Variants in GALNT17 observed in about 807,000 individuals in gnomAD.
GALNT17 encodes the protein polypeptide N-acetylgalactosaminyltransferase 17.
GALNT17 carries 29 observed loss-of-function variants against 63.7 expected under a neutral mutation model. The observed-to-expected ratio is 0.46, with a 90% CI of 0.34 to 0.62. The LOEUF (loss-of-function observed/expected upper bound fraction) is 0.62. GALNT17 is among the 20% of genes least tolerant of loss of function. The pLI is 0.01. For missense variants in GALNT17, 603 were observed against 799.6 expected, an observed-to-expected ratio of 0.75 and a Z score of 2.97; for synonymous variants, 305 against 318.3, an observed-to-expected ratio of 0.96 and a Z score of 0.45.
intron 6 of GALNT17, among the ~76,000 whole-genome samples, chr7:71,651,031 C>T (rs1354647147): frequency 1.3e-5 from 2 of 151,868 alleles, no homozygotes; most frequent in Non-Finnish European, 2.9e-5. Context: ...AGGCTGGGTG[C>T]TGGGAATACC....
At chr7:71,168,401 G>A (rs1277839288) in intron 1 of GALNT17, among the ~76,000 whole-genome samples, 5 of 152,050 alleles carry the variant, frequency 3.3e-5, no homozygotes, top group East Asian at 1.9e-4. Flanking sequence ...GTGAAGCCCC[G>A]TCTCTACTAA....
intron 5 of GALNT17, among the ~76,000 whole-genome samples, chr7:71,467,893 T>C (rs1056175911): frequency 1.1e-4 from 16 of 152,330 alleles, no homozygotes; most frequent in South Asian, 6.2e-4. Context: ...TATTGGCTAG[T>C]GTCTCCATAG....
At chr7:71,494,786 G>A (rs1483174691) in intron 5 of GALNT17, among the ~76,000 whole-genome samples, 2 of 152,290 alleles carry the variant, frequency 1.3e-5, no homozygotes, top group Non-Finnish European at 2.9e-5. Context: ...ACGTGGCTGG[G>A]GAGGCCTCAC....
Position 71,670,058 on chromosome 7 carries a change from C to T in GALNT17, c.1353C>T (p.Asp451=), listed in dbSNP as rs17143818. ...GTAAGAATTTCCAGTGGTACCTGGA[C>T]CATGTTTACCCAGAAATGAGAAGAT... ...LKCKNFQWYL[D]HVYPEMRRYN... The change falls in exon 8 of 11, where the codon GAC becomes GAT. Residue 451 remains aspartate, a synonymous_variant. Coordinates refer to ENST00000333538, the MANE Select transcript of GALNT17 (RefSeq NM_022479.3). 25,151 of 1,614,026 alleles carry T rather than the reference C, an allele frequency of 0.016. 318 individuals are homozygous for T. Among genetic ancestry groups the T allele is most frequent in the African/African-American group, 0.057 (4,291 of 75,002 alleles).
chr7:71,154,407 C>A (rs774382168), intron 1 of GALNT17, among the ~76,000 whole-genome samples: 1 of 152,114 alleles, frequency 6.6e-6, no homozygotes, highest in Non-Finnish European at 1.5e-5. Context: ...AATCGCAGAT[C>A]CATGAGGAAA....
chr7:71,573,132 T>G (rs1420108047), intron 6 of GALNT17, among the ~76,000 whole-genome samples: 6 of 150,870 alleles, frequency 4.0e-5, no homozygotes, highest in Non-Finnish European at 8.8e-5. Context: ...CCTCAGCTTC[T>G]CAAGTAGCTG....
chr7:71,186,456 A>G (rs1042728593), intron 1 of GALNT17, among the ~76,000 whole-genome samples: 45 of 152,204 alleles, frequency 3.0e-4, no homozygotes, highest in Middle Eastern at 3.2e-3. Context: ...GGCAGGCCCA[A>G]CTGTCTTACT....
chr7:71,661,028 A>G (rs1790899850), intron 6 of GALNT17, among the ~76,000 whole-genome samples: 1 of 152,300 alleles, frequency 6.6e-6, no homozygotes, highest in Admixed American at 6.5e-5. Context: ...CATTGGTGCC[A>G]CTGCAGATCC....
At chr7:71,133,654 G>T (rs1205034027) in intron 1 of GALNT17, among the ~76,000 whole-genome samples, 1 of 152,150 alleles carries the variant, frequency 6.6e-6, no homozygotes, top group African/African-American at 2.4e-5. Context: ...CTCAGGGTGG[G>T]CCTGCGAAGT....
chr7:71,541,560 TA>T (rs1369659910), intron 5 of GALNT17, among the ~76,000 whole-genome samples: 2 of 151,676 alleles, frequency 1.3e-5, no homozygotes, highest in East Asian at 3.9e-4. Context: ...CTCAAAAAAA[TA>T]AACAAGAAGA....
intron 6 of GALNT17, among the ~76,000 whole-genome samples, chr7:71,576,936 G>A (rs1182742903): frequency 1.3e-5 from 2 of 152,102 alleles, no homozygotes; most frequent in African/African-American, 2.4e-5. Flanking sequence ...AGTGCTATTC[G>A]CAATGGCAAA....
intron 5 of GALNT17, among the ~76,000 whole-genome samples, chr7:71,513,017 G>A (rs1788386418): frequency 6.6e-6 from 1 of 152,132 alleles, no homozygotes; most frequent in Non-Finnish European, 1.5e-5. Context: ...ACATTAAAAT[G>A]GCAATTAAGT....
At chr7:71,559,641 C>G (rs369422377) in intron 5 of GALNT17, among the ~76,000 whole-genome samples, 1 of 152,114 alleles carries the variant, frequency 6.6e-6, no homozygotes, top group Admixed American at 6.5e-5. Context: ...GTGTAAGGAT[C>G]GCTTGAGGCC....
chr7:71,388,489 T>A (rs564924632), intron 3 of GALNT17, 88 bp downstream of exon 3: 176 of 1,480,642 alleles, frequency 1.2e-4, no homozygotes, highest in Admixed American at 2.9e-4. Flanking sequence ...AGCATCTGTG[T>A]CTCCTGGTCC....
intron 6 of GALNT17, among the ~76,000 whole-genome samples, chr7:71,664,014 A>ATT (rs1554321158): frequency 8.4e-5 from 10 of 118,942 alleles, no homozygotes; most frequent in African/African-American, 2.9e-4. Flanking sequence ...TCCATAAATT[A>ATT]ATTTTTTTTT....
At chr7:71,490,129 G>T (rs573952173) in intron 5 of GALNT17, among the ~76,000 whole-genome samples, 1 of 152,088 alleles carries the variant, frequency 6.6e-6, no homozygotes, top group East Asian at 1.9e-4. Context: ...CGTGGTGGCG[G>T]CACCTGTAAT....
chr7:71,222,664 C>CTT (rs1242686198), intron 1 of GALNT17, among the ~76,000 whole-genome samples: 1 of 152,150 alleles, frequency 6.6e-6, no homozygotes, highest in East Asian at 1.9e-4. Context: ...GTTTGACTGG[C>CTT]TTTTATTCAT....
At chr7:71,560,699 C>T (rs1032914077) in intron 5 of GALNT17, among the ~76,000 whole-genome samples, 2 of 152,132 alleles carry the variant, frequency 1.3e-5, no homozygotes, top group African/African-American at 4.8e-5. Context: ...ATCTATAAAT[C>T]GCTGGGGGAG....
chr7:71,348,903 G>T (rs560061170), intron 2 of GALNT17, among the ~76,000 whole-genome samples: 1 of 152,296 alleles, frequency 6.6e-6, no homozygotes, highest in East Asian at 1.9e-4. Context: ...AGTGCACTGA[G>T]TTAAAACCAA....
Sources: gnomAD v4.1 joint callset for allele counts (sites outside exome capture counted in the v4.1 genomes callset) on GRCh38, gnomAD v4.1.1 for gene constraint, MANE v1.5 for transcripts, NCBI Gene and HGNC (gene_info 2026-07-23, HGNC 2026-07-21) for gene names.